The following QRICH1 variants were observed in gnomAD, a reference collection of about 807,000 sequenced individuals.
The protein encoded by QRICH1 is glutamine rich 1, also known as transcriptional regulator QRICH1.
Under a neutral mutation model 87.1 loss-of-function variants are expected in QRICH1, and 16 were observed. The ratio of observed to expected loss-of-function variants is 0.18; its 90% CI spans 0.12 to 0.28. The LOEUF (loss-of-function observed/expected upper bound fraction) is 0.28, where lower values mean the gene tolerates loss of function less well. QRICH1 is among the 10% of genes least tolerant of loss of function. The pLI is 1.00. For missense variants in QRICH1, 647 were observed against 951.7 expected, an observed-to-expected ratio of 0.68 and a Z score of 4.21; for synonymous variants, 367 against 368.4, an observed-to-expected ratio of 1.00 and a Z score of 0.05.
chr3:49,085,169 C>T (rs1243925776), intron 1 of QRICH1, among the ~76,000 whole-genome samples: 1 of 152,048 alleles, frequency 6.6e-6, no homozygotes, highest in African/African-American at 2.4e-5. Context: ...TCTTTTTCTA[C>T]ACAGTGGCTA....
At chr3:49,069,801 C>T (rs2093490449) in intron 2 of QRICH1, among the ~76,000 whole-genome samples, 1 of 151,860 alleles carries the variant, frequency 6.6e-6, no homozygotes, top group Non-Finnish European at 1.5e-5. Flanking sequence ...CTCAAAAGAG[C>T]AGTAACAATT....
At chr3:49,067,799 A>G (rs1481729780) in intron 2 of QRICH1, among the ~76,000 whole-genome samples, 1 of 152,126 alleles carries the variant, frequency 6.6e-6, no homozygotes, top group East Asian at 1.9e-4. Flanking sequence ...GCCAACCAAC[A>G]TGGTAAAACC....
chr3:49,058,157 A>AATT, intron 2 of QRICH1: 4 of 372,954 alleles, frequency 1.1e-5, no homozygotes, highest in Non-Finnish European at 1.9e-5. Flanking sequence ...AAAAAAAAAA[A>AATT]TTTTTTTTTT....
At position 49,033,213 on chromosome 3, in the gene QRICH1, C is replaced by T. The variant is rs2093252932; in HGVS notation, c.1802G>A (p.Ser601Asn). Reference sequence around the variant, plus strand: ...CCATAGCATCTCCTCAGTCACGTGGCTGGGCAAGACATAGCCTAGGAGGAA... The same window carrying T: ...CCATAGCATCTCCTCAGTCACGTGGTTGGGCAAGACATAGCCTAGGAGGAA... ...RVTPLGYVLP[S>N]HVTEEMLWEC... The change falls in exon 7 of 10, where the codon AGC becomes AAC. Residue 601 changes from serine to asparagine, a missense_variant. Around this residue, in one of 7 missense-constraint regions of QRICH1, gnomAD observed 187 missense variants for 309.5 expected, o/e 0.60. Transcript: ENST00000395443. 6.4e-7 allele frequency: 1 copy of T among 1,568,542 alleles called. No homozygotes were observed. Among genetic ancestry groups the T allele is most frequent in the Non-Finnish European group, 8.6e-7 (1 of 1,159,542 alleles).
chr3:49,069,907 T>C (rs1304761555), intron 2 of QRICH1, among the ~76,000 whole-genome samples: 1 of 152,150 alleles, frequency 6.6e-6, no homozygotes, highest in Non-Finnish European at 1.5e-5. Flanking sequence ...CTCTAGTCAA[T>C]TCCCAACCTT....
rs1305967565 is a variant in QRICH1, at chr3:49,047,261, C to A, written c.1339-15G>T. 2 of 1,594,248 alleles carry A rather than the reference C, an allele frequency of 1.3e-6. No individual in the cohort carries two copies. The highest frequency in any genetic ancestry group is 8.6e-7 in the Non-Finnish European group (1 of 1,168,582). ...ACAGTTTGAGCCTATAGGAGAGAAA[C>A]CATGAAAATGTGTCAATATTGTTTT... On this transcript the variant is annotated splice_polypyrimidine_tract_variant and intron_variant, in intron 3 of 9. Coordinates refer to ENST00000395443, the MANE Select transcript of QRICH1 (RefSeq NM_198880.3).
In QRICH1 at chr3:49,030,242, G is replaced by A; in HGVS notation, c.*210C>T. On this transcript the variant is annotated 3_prime_UTR_variant, in exon 10 of 10. Transcript: ENST00000395443. ...CATATGACACTCAAGGAAACCCAGAGCCACCATCGGCTGAGGAGTCTGCCG... is the reference window on the plus strand; with the variant it reads ...CATATGACACTCAAGGAAACCCAGAACCACCATCGGCTGAGGAGTCTGCCG... 1.8e-6 allele frequency: 1 copy of A among 562,456 alleles called. No individual in the cohort carries two copies. Among genetic ancestry groups the A allele is most frequent in the South Asian group, 2.4e-5 (1 of 42,398 alleles). 34.8% of individuals were successfully genotyped at this position (562,456 alleles called of 1,614,324 possible). A position where few individuals can be genotyped will look rare whatever the true frequency, so the allele number is the denominator to read the frequency against.
At chr3:49,055,491 C>T (rs571772824) in intron 3 of QRICH1, among the ~76,000 whole-genome samples, 17 of 152,264 alleles carry the variant, frequency 1.1e-4, no homozygotes, top group Non-Finnish European at 2.1e-4. Context: ...CTCGCATCTA[C>T]GCTGGGACCA....
intron 1 of QRICH1, among the ~76,000 whole-genome samples, chr3:49,080,600 C>G (rs2042039592): frequency 6.6e-6 from 1 of 152,076 alleles, no homozygotes; most frequent in Admixed American, 6.6e-5. Context: ...TCTCTATGAT[C>G]CTCCTAGTAA....
intron 1 of QRICH1, among the ~76,000 whole-genome samples, chr3:49,081,687 G>T (rs565846164): frequency 1.3e-5 from 2 of 152,194 alleles, no homozygotes; most frequent in Non-Finnish European, 2.9e-5. Flanking sequence ...TTGTTAGAGA[G>T]ACAGGGTTTT....
Position 49,029,987 on chromosome 3 carries a change from T to C in QRICH1, c.*465A>G, listed in dbSNP as rs1387561092. 1.5e-5 allele frequency: 3 copies of C among 204,200 alleles called. No homozygotes were observed. Among genetic ancestry groups the C allele is most frequent in the African/African-American group, 6.9e-5 (3 of 43,414 alleles). 12.6% of individuals were successfully genotyped at this position (204,200 alleles called of 1,614,324 possible). A position where few individuals can be genotyped will look rare whatever the true frequency, so the allele number is the denominator to read the frequency against. ...TGAAGTTCCCCTCATTTTTCTTCCA[T>C]TAAGATGCTAAGTTTATGTCTGATC... On this transcript the variant is annotated 3_prime_UTR_variant, in exon 10 of 10. Coordinates refer to ENST00000395443, the MANE Select transcript of QRICH1 (RefSeq NM_198880.3).
At chr3:49,087,595 G>A (rs2042190591) in intron 1 of QRICH1, among the ~76,000 whole-genome samples, 1 of 151,040 alleles carries the variant, frequency 6.6e-6, no homozygotes, top group Admixed American at 6.6e-5. Context: ...AAAAAAATAG[G>A]CCAGGTGCAG....
intron 1 of QRICH1, among the ~76,000 whole-genome samples, chr3:49,077,885 T>C (rs1400344885): frequency 6.6e-6 from 1 of 152,212 alleles, no homozygotes; most frequent in African/African-American, 2.4e-5. Context: ...AGGTCACTAC[T>C]AAAATTCAGA....
At chr3:49,062,903 G>C (rs974470210) in intron 2 of QRICH1, among the ~76,000 whole-genome samples, 9 of 151,764 alleles carry the variant, frequency 5.9e-5, no homozygotes, top group African/African-American at 2.2e-4. Context: ...GGGAGGCTGA[G>C]ACAGGAGAAT....
At position 49,087,296 on chromosome 3, in the gene QRICH1, C is replaced by T. The variant is rs990203683; in HGVS notation, c.-22+6616G>A. On this transcript the variant is annotated intron_variant, in intron 1 of 9. Transcript: ENST00000395443. ...AAAATAGGCCAGGCACAGTGGCTCA[C>T]GCCTATAATCCCAGCAGTTTGGGAG... Among the ~76,000 whole-genome samples, 11 of 150,926 alleles carry T rather than the reference C, an allele frequency of 7.3e-5. No individual in the cohort carries two copies. In the Admixed American group the frequency reaches 7.3e-4, roughly 10 times the overall value.
At chr3:49,073,241 C>T (rs899524048) in intron 2 of QRICH1, among the ~76,000 whole-genome samples, 10 of 152,144 alleles carry the variant, frequency 6.6e-5, no homozygotes, top group African/African-American at 1.7e-4. Context: ...TGTTATCTCA[C>T]ATAAAGACCT....
At chr3:49,047,325 T>G (rs1347435508) in intron 3 of QRICH1, 79 bp from the exon 4 acceptor site, 2 of 1,308,606 alleles carry the variant, frequency 1.5e-6, no homozygotes, top group Non-Finnish European at 2.1e-6. Context: ...AAAAATGTTA[T>G]GTATAGTTCA....
chr3:49,049,376 C>T (rs1159209569), intron 3 of QRICH1, among the ~76,000 whole-genome samples: 4 of 151,814 alleles, frequency 2.6e-5, no homozygotes, highest in African/African-American at 9.7e-5. Flanking sequence ...ACCCAGGAGA[C>T]GGAGGTTACA....
At chr3:49,081,344 G>A (rs2042055457) in intron 1 of QRICH1, among the ~76,000 whole-genome samples, 1 of 151,630 alleles carries the variant, frequency 6.6e-6, no homozygotes, top group African/African-American at 2.4e-5. Context: ...TTGAACCCAG[G>A]AGATGGAGGT....
Sources: gnomAD v4.1 joint callset for allele counts (sites outside exome capture counted in the v4.1 genomes callset) on GRCh38, gnomAD v4.1.1 for gene constraint, gnomAD v4.1.1 regional missense constraint, MANE v1.5 for transcripts, NCBI Gene and HGNC (gene_info 2026-07-23, HGNC 2026-07-21) for gene names.